Variants in NOS1AP observed in about 807,000 individuals in gnomAD.
The protein encoded by NOS1AP is carboxyl-terminal PDZ ligand of neuronal nitric oxide synthase protein.
NOS1AP carries 21 observed loss-of-function variants against 56.2 expected under a neutral mutation model. The observed-to-expected ratio is 0.37, with a 90% CI of 0.26 to 0.54. The LOEUF is 0.54. Ranked by LOEUF, NOS1AP falls within the 20% of genes least tolerant of loss-of-function variation. NOS1AP has a pLI of 0.84. For synonymous variants in NOS1AP, 270 were observed against 274.6 expected, an observed-to-expected ratio of 0.98 and a Z score of 0.17; for missense variants, 522 against 657.8, an observed-to-expected ratio of 0.79 and a Z score of 2.26.
At chr1:162,329,125 G>C (rs2101790600) in intron 4 of NOS1AP, among the ~76,000 whole-genome samples, 1 of 152,352 alleles carries the variant, frequency 6.6e-6, no homozygotes, top group East Asian at 1.9e-4. Flanking sequence ...TTTATGGTAA[G>C]TCTGTGGACA....
At chr1:162,233,984 C>T (rs548449020) in intron 2 of NOS1AP, among the ~76,000 whole-genome samples, 1 of 152,316 alleles carries the variant, frequency 6.6e-6, no homozygotes, top group South Asian at 2.1e-4. Flanking sequence ...TTGAGAAACA[C>T]ATCTTGTCTG....
intron 2 of NOS1AP, chr1:162,157,281 G>A (rs559905017): frequency 6.6e-6 from 1 of 152,576 alleles, no homozygotes; most frequent in Non-Finnish European, 1.5e-5. Flanking sequence ...CAATTAATTG[G>A]CCAGAAAGCT....
At chr1:162,095,728 G>A (rs1692226200) in intron 1 of NOS1AP, among the ~76,000 whole-genome samples, 1 of 152,160 alleles carries the variant, frequency 6.6e-6, no homozygotes. Context: ...GGAGACCTAC[G>A]TTTTAGTACT....
At chr1:162,103,880 T>G (rs1354527159) in intron 1 of NOS1AP, among the ~76,000 whole-genome samples, 7 of 152,254 alleles carry the variant, frequency 4.6e-5, no homozygotes, top group Admixed American at 4.6e-4. Context: ...TCTGTGTCTT[T>G]TAATTGGGGC....
At chr1:162,348,274 C>T (rs1657367949) in intron 6 of NOS1AP, among the ~76,000 whole-genome samples, 1 of 152,062 alleles carries the variant, frequency 6.6e-6, no homozygotes, top group Non-Finnish European at 1.5e-5. Flanking sequence ...TTTAAGCAGC[C>T]CCTTTTGATG....
chr1:162,367,592 G>A lies in NOS1AP; in HGVS notation c.*125G>A. The A allele has an allele frequency of 9.2e-7, 1 of 1,084,158 alleles. No homozygotes were observed. Among genetic ancestry groups the A allele is most frequent in the South Asian group, 1.6e-5 (1 of 61,174 alleles). The allele number at this position is 1,084,158 out of a possible 1,614,324, so 67.2% of individuals were successfully genotyped here. A position where few individuals can be genotyped will look rare whatever the true frequency, so the allele number is the denominator to read the frequency against. On this transcript the variant is annotated 3_prime_UTR_variant, in exon 10 of 10. Coordinates refer to ENST00000361897, the MANE Select transcript of NOS1AP (RefSeq NM_014697.3). This position sits in a 1 kb window ranked among gnomAD's most constrained non-coding sequence, Gnocchi z 6.5. ...AGAATGCCAGCCAGGGCCCGGGAGA[G>A]TGTGAGGTTTCAGGAAAGTATTGAG...
intron 1 of NOS1AP, among the ~76,000 whole-genome samples, chr1:162,081,608 A>G (rs1304663878): frequency 1.4e-5 from 2 of 147,770 alleles, no homozygotes; most frequent in Admixed American, 6.8e-5. Flanking sequence ...ATACAGTGGC[A>G]TGATCATGAC....
At chr1:162,088,688 C>T (rs1026853367) in intron 1 of NOS1AP, among the ~76,000 whole-genome samples, 1 of 152,078 alleles carries the variant, frequency 6.6e-6, no homozygotes, top group African/African-American at 2.4e-5. Context: ...TGGCAGCAGG[C>T]CAAGACGGTT....
At chr1:162,277,452 T>C (rs1654778393) in intron 2 of NOS1AP, among the ~76,000 whole-genome samples, 1 of 152,228 alleles carries the variant, frequency 6.6e-6, no homozygotes, top group Admixed American at 6.5e-5. Flanking sequence ...GGGCCATCAG[T>C]TCTGCCTACT....
chr1:162,359,375 C>T (rs536919004), intron 8 of NOS1AP, among the ~76,000 whole-genome samples: 2 of 152,290 alleles, frequency 1.3e-5, no homozygotes, highest in Admixed American at 6.5e-5. Flanking sequence ...ACTCCTGTAC[C>T]TCTGTCTGCC....
intron 3 of NOS1AP, among the ~76,000 whole-genome samples, chr1:162,297,436 G>A (rs1004000351): frequency 2.0e-5 from 3 of 152,172 alleles, no homozygotes; most frequent in Admixed American, 6.5e-5. Context: ...AGTGGTTAAC[G>A]GGACCGTGGT....
At chr1:162,176,719 A>G (rs1163984373) in intron 2 of NOS1AP, among the ~76,000 whole-genome samples, 1 of 151,982 alleles carries the variant, frequency 6.6e-6, no homozygotes, top group East Asian at 1.9e-4. Flanking sequence ...ACATTGGCCA[A>G]GATGGTCTTG....
rs577255553 is a variant in NOS1AP at position 162,352,341 on chromosome 1, G to A, written c.596-2846G>A. The stretch of plus-strand genomic sequence containing the variant: ...CCCAAAGTGCTGGAATTATAGGCGT[G>A]AGCCACCGCGCCTGGCCTGCAGGCT... On this transcript the variant is annotated intron_variant, in intron 6 of 9. Coordinates refer to ENST00000361897, the MANE Select transcript of NOS1AP (RefSeq NM_014697.3). Among the ~76,000 whole-genome samples the A allele has an allele frequency of 3.3e-5, 5 of 151,556 alleles. No individual in the cohort carries two copies. The South Asian group carries it at 1.0e-3, about 32-fold the overall frequency.
intron 2 of NOS1AP, among the ~76,000 whole-genome samples, chr1:162,163,630 C>A (rs1353934035): frequency 6.6e-6 from 1 of 152,014 alleles, no homozygotes; most frequent in African/African-American, 2.4e-5. Flanking sequence ...GTGTGGGTAT[C>A]TGGAGGAAAT....
At chr1:162,071,054 C>A (rs1311705242) in intron 1 of NOS1AP, among the ~76,000 whole-genome samples, 2 of 152,186 alleles carry the variant, frequency 1.3e-5, no homozygotes, top group Admixed American at 6.5e-5. Flanking sequence ...CCCTGTGATG[C>A]ACCTCCCTGA....
rs545039621 is a variant in NOS1AP at position 162,287,064 on chromosome 1, A to C, written c.178-280A>C. Among the ~76,000 whole-genome samples the C allele has an allele frequency of 3.3e-5, 5 of 152,220 alleles. No individual in the cohort carries two copies. In the South Asian group the frequency reaches 8.3e-4, roughly 25 times the overall value. On this transcript the variant is annotated intron_variant, in intron 2 of 9. Transcript: ENST00000361897. ...AATGAGTTATTGAGGGAAGGTTCTG[A>C]TTTTTTATGGGATATTCCAAATAGG...
At chr1:162,082,265 A>C in intron 1 of NOS1AP, among the ~76,000 whole-genome samples, 1 of 152,130 alleles carries the variant, frequency 6.6e-6, no homozygotes, top group South Asian at 2.1e-4. Context: ...TGCAAAGGAC[A>C]TGATCTCGTA....
At chr1:162,212,874 C>T (rs1442122361) in intron 2 of NOS1AP, among the ~76,000 whole-genome samples, 5 of 50 alleles carry the variant, frequency 0.1, no homozygotes, top group Non-Finnish European at 0.16. Context: ...GAGTGAGTGC[C>T]CCCGGCACAC....
intron 1 of NOS1AP, among the ~76,000 whole-genome samples, chr1:162,081,744 C>CTA (rs1203479621): frequency 8.2e-5 from 7 of 85,240 alleles, no homozygotes; most frequent in African/African-American, 2.9e-4. Context: ...ATATCTATAT[C>CTA]TATATCTATA....
Sources: gnomAD v4.1 joint callset for allele counts (sites outside exome capture counted in the v4.1 genomes callset) on GRCh38, gnomAD v4.1.1 for gene constraint, Gnocchi (gnomAD v3.1) non-coding constraint, MANE v1.5 for transcripts, NCBI Gene and HGNC (gene_info 2026-07-23, HGNC 2026-07-21) for gene names.